Variants in OS9 observed in about 807,000 individuals in gnomAD.
OS9 encodes the protein protein OS-9.
OS9 carries 58 observed loss-of-function variants against 84.7 expected under a neutral mutation model. The observed-to-expected ratio is 0.68, with a 90% confidence interval of 0.55 to 0.85. The LOEUF is 0.85. OS9 is among the 40% of genes least tolerant of loss of function. The pLI, the probability that OS9 is intolerant of heterozygous loss-of-function variation, is 0.00. For missense variants in OS9, 760 were observed against 850.9 expected, an observed-to-expected ratio of 0.89 and a Z score of 1.33; for synonymous variants, 278 against 320.8, an observed-to-expected ratio of 0.87 and a Z score of 1.43.
At position 57,720,977 on chromosome 12, in the gene OS9, C is replaced by T; in HGVS notation, c.*68C>T. On this transcript the variant is annotated 3_prime_UTR_variant, in exon 15 of 15. Transcript: ENST00000315970. ...CTGGACTGGCTTGCCTCCTCCCCAC[C>T]TCCCCACCCTGGAACCCCTGAGGGC... is the stretch of plus-strand genomic sequence containing the variant. 1.3e-6 allele frequency: 2 copies of T among 1,578,332 alleles called. No homozygotes were observed. Among genetic ancestry groups the T allele is most frequent in the South Asian group, 1.1e-5 (1 of 89,280 alleles).
chr12:57,703,788 A>G (rs889100704), intron 5 of OS9, among the ~76,000 whole-genome samples: 1 of 152,016 alleles, frequency 6.6e-6, no homozygotes, highest in Non-Finnish European at 1.5e-5. Flanking sequence ...AAAAAACACC[A>G]TTGGATGCCT....
In OS9 at chr12:57,711,234, C is replaced by T. The variant is rs910526884; in HGVS notation, c.580-4526C>T. On this transcript the variant is annotated intron_variant, in intron 5 of 14. Transcript: ENST00000315970. Reference sequence around the variant, plus strand: ...AATGGAGATTCTTATTTCCTTTCCCCTTTATTTATAAACAATATATAGTAA... The same window carrying T: ...AATGGAGATTCTTATTTCCTTTCCCTTTTATTTATAAACAATATATAGTAA... 9.9e-5 allele frequency among the ~76,000 whole-genome samples: 15 copies of T among 151,458 alleles called. 1 individual carries two copies. The highest frequency in any genetic ancestry group is 3.4e-4 in the African/African-American group (14 of 41,230).
intron 5 of OS9, among the ~76,000 whole-genome samples, chr12:57,703,703 CT>C (rs929686402): frequency 3.3e-5 from 5 of 151,862 alleles, no homozygotes; most frequent in Admixed American, 3.3e-4. Context: ...TAACTTTGTT[CT>C]TTTTTTAATA....
rs201863311 is a variant in OS9 at position 57,701,793 on chromosome 12, T to TTTTGC, written c.579+5424_579+5425insCTTTG. On this transcript the variant is annotated intron_variant, in intron 5 of 14. Coordinates refer to ENST00000315970, the MANE Select transcript of OS9 (RefSeq NM_006812.4). ...ATTGGTGAATTCAATTTTTTGTTTG[T>TTTTGC]TTTGTTTTGTTTTGTTTTTTGAGAT... Among the ~76,000 whole-genome samples, 1,028 of 151,786 alleles carry TTTTGC rather than the reference T, an allele frequency of 6.8e-3. 18 individuals carry two copies. The highest frequency in any genetic ancestry group is 0.036 in the Admixed American group (545 of 15,234).
chr12:57,694,197 A>G lies in OS9; in HGVS notation c.36A>G (p.Gly12=), dbSNP rs1178553923. 6.2e-7 allele frequency: 1 copy of G among 1,613,998 alleles called. No individual in the cohort carries two copies. The highest frequency in any genetic ancestry group is 8.5e-7 in the Non-Finnish European group (1 of 1,180,024). Residue 12 remains glycine (G), a synonymous_variant, in exon 1 of 15, where the codon GGA becomes GGG. Transcript: ENST00000315970. ...AAACGCTGCTGTCCAGTTTGTTAGG[A>G]CTGCTGCTTCTGGGACTCCTGTTAC... ...AAETLLSSLL[G]LLLLGLLLPA... is the part of the protein sequence containing the mutation.
intron 5 of OS9, among the ~76,000 whole-genome samples, chr12:57,712,059 T>C (rs949517046): frequency 6.6e-6 from 1 of 152,264 alleles, no homozygotes; most frequent in African/African-American, 2.4e-5. Context: ...TACAAAGGTG[T>C]ATCTGTGGTT....
intron 5 of OS9, among the ~76,000 whole-genome samples, chr12:57,712,047 C>T (rs1397468364): frequency 6.6e-6 from 1 of 152,148 alleles, no homozygotes; most frequent in Non-Finnish European, 1.5e-5. Context: ...ATATAAACTC[C>T]CTACAAAGGT....
intron 5 of OS9, among the ~76,000 whole-genome samples, chr12:57,702,210 C>T (rs74595613): frequency 0.023 from 3,566 of 152,250 alleles, 130 homozygotes; most frequent in African/African-American, 0.079. Flanking sequence ...CTACTATTTC[C>T]AAAACTTTTT....
chr12:57,716,018 G>C, intron 6 of OS9, 48 bp downstream of exon 6: 1 of 1,601,976 alleles, frequency 6.2e-7, no homozygotes, highest in Non-Finnish European at 8.6e-7. Context: ...CGGGGGCAGG[G>C]GGTGGCAAAA....
At chr12:57,720,621 TA>T (rs2140341855) in intron 14 of OS9, 103 bp downstream of exon 14, 2 of 1,273,486 alleles carry the variant, frequency 1.6e-6, no homozygotes, top group East Asian at 4.7e-5. Flanking sequence ...TCCTGATCTG[TA>T]AGACAAGGCT....
intron 12 of OS9, chr12:57,719,716 ACT>A (rs1954617864): frequency 4.9e-6 from 1 of 205,868 alleles, no homozygotes; most frequent in African/African-American, 2.3e-5. Context: ...TTCCATTCCC[ACT>A]CTCTCTATAA....
At position 57,721,097 on chromosome 12, in the gene OS9, C is replaced by A; in HGVS notation, c.*188C>A. On this transcript the variant is annotated 3_prime_UTR_variant, in exon 15 of 15. Coordinates refer to ENST00000315970, the MANE Select transcript of OS9 (RefSeq NM_006812.4). ...TGCTGCTGCCCCTGCTGGCAGCCAC[C>A]TTGAGACCTCACCGGGCCTGTGATA... is the stretch of plus-strand genomic sequence containing the variant. The A allele has an allele frequency of 1.7e-6, 1 of 595,032 alleles. No homozygotes were observed. The highest frequency in any genetic ancestry group is 3.0e-5 in the East Asian group (1 of 33,552). The allele number at this position is 595,032 out of a possible 1,614,324, so 36.9% of individuals were successfully genotyped here. A position where few individuals can be genotyped will look rare whatever the true frequency, so the allele number is the denominator to read the frequency against.
At chr12:57,713,753 A>G (rs888730305) in intron 5 of OS9, among the ~76,000 whole-genome samples, 1 of 147,852 alleles carries the variant, frequency 6.8e-6, no homozygotes, top group Non-Finnish European at 1.5e-5. Flanking sequence ...GCTTTAGTCT[A>G]ACTGAGCTGT....
chr12:57,696,925 G>A (rs1953866378), intron 5 of OS9, among the ~76,000 whole-genome samples: 1 of 152,006 alleles, frequency 6.6e-6, no homozygotes, highest in African/African-American at 2.4e-5. Context: ...CTTCACTCTC[G>A]CCTGCATCCC....
intron 9 of OS9, among the ~76,000 whole-genome samples, chr12:57,716,951 T>C (rs1416075333): frequency 6.6e-6 from 1 of 152,230 alleles, no homozygotes; most frequent in Non-Finnish European, 1.5e-5. Flanking sequence ...GGTGACTTTG[T>C]AATTCACTTA....
At position 57,715,782 on chromosome 12, in the gene OS9, G is replaced by T. The variant is rs139138685; in HGVS notation, c.602G>T (p.Gly201Val). 85 of 1,610,696 alleles carry T rather than the reference G, an allele frequency of 5.3e-5. No individual in the cohort carries two copies. The African/African-American group carries it at 1.0e-3, about 20-fold the overall frequency. The part of the protein sequence containing the change: ...EVRFLCDEGA[G>V]ISGDYIDRVD... ...CAGTTCCTCTGTGACGAGGGTGCAG[G>T]TATCTCTGGGGACTACATCGATCGC... is the stretch of plus-strand genomic sequence containing the variant. The change falls in exon 6 of 15, where the codon GGT becomes GTT. Residue 201 changes from glycine to valine, a missense_variant. By Grantham distance (109) the Gly-to-Val change is moderately radical. Coordinates refer to ENST00000315970, the MANE Select transcript of OS9 (RefSeq NM_006812.4).
intron 5 of OS9, among the ~76,000 whole-genome samples, chr12:57,715,545 T>C (rs1300002842): frequency 6.6e-6 from 1 of 152,228 alleles, no homozygotes; most frequent in Non-Finnish European, 1.5e-5. Context: ...GTGCCTTAAC[T>C]GCACCACACC....
In OS9 at chr12:57,718,170, C is replaced by T; in HGVS notation, c.1159C>T (p.Gln387Ter). The T allele has an allele frequency of 6.2e-7, 1 of 1,614,002 alleles. No individual in the cohort carries two copies. The highest frequency in any genetic ancestry group is 1.1e-5 in the South Asian group (1 of 91,056). Residue 387 changes from glutamine (Q) to a stop codon, truncating the protein, a stop_gained, in exon 11 of 15, where the codon CAG becomes TAG. Transcript: ENST00000315970. LOFTEE classifies it high-confidence loss of function. ...GGGGAAGCCAAATATAGGCCAAGAG[C>T]AGCCTGTGGATGATGCTGCAGAAGT... ...KKGKPNIGQE[Q>*]PVDDAAEVPQ...
intron 5 of OS9, among the ~76,000 whole-genome samples, chr12:57,706,673 C>T (rs1777805305): frequency 6.6e-6 from 1 of 151,668 alleles, no homozygotes; most frequent in South Asian, 2.1e-4. Context: ...TAGTGAGACT[C>T]CTGTCTCTCA....
Sources: allele counts gnomAD v4.1 joint callset (sites outside exome capture counted in the v4.1 genomes callset), GRCh38; gene constraint gnomAD v4.1.1; transcripts MANE v1.5; gene names NCBI Gene and HGNC (gene_info 2026-07-23, HGNC 2026-07-21).